The following SLC25A26 variants were observed in gnomAD, a reference collection of about 807,000 sequenced individuals.
The protein encoded by SLC25A26 is solute carrier family 25 member 26, also known as mitochondrial S-adenosylmethionine carrier protein.
SLC25A26 carries 36 observed loss-of-function variants against 37.8 expected under a neutral mutation model. The ratio of observed to expected loss-of-function variants is 0.95; its 90% CI spans 0.73 to 1.26. The LOEUF (loss-of-function observed/expected upper bound fraction) is 1.26, where lower values mean the gene tolerates loss of function less well. Among genes scored for constraint, SLC25A26 ranks in the 50% most tolerant of loss-of-function variants. The pLI is 0.00. For missense variants in SLC25A26, 390 were observed against 331.1 expected, an observed-to-expected ratio of 1.18 and a Z score of -1.38; for synonymous variants, 129 against 122.5, an observed-to-expected ratio of 1.05 and a Z score of -0.35.
intron 5 of SLC25A26, among the ~76,000 whole-genome samples, chr3:66,300,181 A>T (rs1038959636): frequency 2.0e-5 from 3 of 151,946 alleles, no homozygotes; most frequent in Non-Finnish European, 2.9e-5. Context: ...GAACCAAGCT[A>T]ATCAAATTTA....
intron 9 of SLC25A26, among the ~76,000 whole-genome samples, chr3:66,373,983 G>A (rs929193011): frequency 1.3e-5 from 2 of 152,042 alleles, no homozygotes; most frequent in African/African-American, 4.8e-5. Flanking sequence ...TTTCTCTCCA[G>A]GCCACCAGCT....
intron 1 of SLC25A26, among the ~76,000 whole-genome samples, chr3:66,214,852 G>T (rs1005729271): frequency 1.3e-5 from 2 of 152,106 alleles, no homozygotes; most frequent in African/African-American, 2.4e-5. Context: ...CCTTGGTCAG[G>T]CACGGTGGCT....
chr3:66,272,267 C>G (rs1180795517), intron 5 of SLC25A26, among the ~76,000 whole-genome samples: 1 of 152,032 alleles, frequency 6.6e-6, no homozygotes, highest in Non-Finnish European at 1.5e-5. Flanking sequence ...AGGGAGAGAT[C>G]AGAGGACTCC....
At chr3:66,300,214 A>C (rs139997290) in intron 5 of SLC25A26, among the ~76,000 whole-genome samples, 2 of 150,432 alleles carry the variant, frequency 1.3e-5, no homozygotes, top group East Asian at 3.9e-4. Context: ...ATCCCGTTAC[A>C]GTGAACTCCA....
intron 6 of SLC25A26, chr3:66,355,982 T>C (rs898825007): frequency 2.9e-5 from 13 of 455,200 alleles, no homozygotes; most frequent in East Asian, 6.9e-5. Flanking sequence ...CACATACTTA[T>C]TTTACTACAT....
intron 5 of SLC25A26, among the ~76,000 whole-genome samples, chr3:66,286,780 T>C (rs2074526355): frequency 6.6e-6 from 1 of 152,042 alleles, no homozygotes. Context: ...TGGATTCAAA[T>C]GCCACCTGAG....
chr3:66,302,263 C>A (rs1445366457), intron 5 of SLC25A26, among the ~76,000 whole-genome samples: 11 of 152,210 alleles, frequency 7.2e-5, no homozygotes, highest in Non-Finnish European at 4.4e-5. Flanking sequence ...AAATGTTGGA[C>A]TCAAGGTTTT....
chr3:66,343,097 A>G lies in SLC25A26; in HGVS notation c.454-3267A>G, dbSNP rs116237023. On this transcript the variant is annotated intron_variant, in intron 5 of 9. Transcript: ENST00000354883. ...TAAAATTCCACGTTTTGAAGAAACA[A>G]TCACTGTTATGTAACTTCAAGCCAG... 5.2e-3 allele frequency among the ~76,000 whole-genome samples: 786 copies of G among 152,328 alleles called. 12 individuals carry two copies. Among genetic ancestry groups the G allele is most frequent in the African/African-American group, 0.014 (578 of 41,574 alleles).
chr3:66,295,807 T>C (rs2074883175), intron 5 of SLC25A26, among the ~76,000 whole-genome samples: 1 of 151,666 alleles, frequency 6.6e-6, no homozygotes, highest in Admixed American at 6.6e-5. Context: ...CATGTGTGTG[T>C]TTTTAAAACT....
intron 1 of SLC25A26, among the ~76,000 whole-genome samples, chr3:66,152,815 T>C (rs1275251133): frequency 1.3e-5 from 2 of 152,218 alleles, no homozygotes; most frequent in Non-Finnish European, 2.9e-5. Context: ...TCCCATCTTG[T>C]GCCTTGGGTG....
chr3:66,205,273 G>T (rs1362097692), intron 1 of SLC25A26, among the ~76,000 whole-genome samples: 1 of 152,116 alleles, frequency 6.6e-6, no homozygotes. Context: ...TTCCTTTATG[G>T]AATGATTTTA....
intron 5 of SLC25A26, among the ~76,000 whole-genome samples, chr3:66,326,244 G>A (rs1396219614): frequency 6.6e-6 from 1 of 152,158 alleles, no homozygotes; most frequent in African/African-American, 2.4e-5. Flanking sequence ...GAGATAATGA[G>A]TATCTACCCA....
chr3:66,374,895 T>C (rs954638985), intron 9 of SLC25A26, among the ~76,000 whole-genome samples: 4 of 151,622 alleles, frequency 2.6e-5, no homozygotes, highest in African/African-American at 9.7e-5. Context: ...AAAAATTAAT[T>C]AATTAAAAAT....
chr3:66,154,231 G>A (rs1312861353), intron 1 of SLC25A26, among the ~76,000 whole-genome samples: 4 of 152,148 alleles, frequency 2.6e-5, no homozygotes, highest in Admixed American at 2.6e-4. Flanking sequence ...ATACAGCACT[G>A]CAGATAGACC....
chr3:66,352,546 A>C (rs1201409240), intron 6 of SLC25A26, among the ~76,000 whole-genome samples: 1 of 151,628 alleles, frequency 6.6e-6, no homozygotes, highest in Non-Finnish European at 1.5e-5. Context: ...ATGTGTGATA[A>C]TTTTTTTAAT....
intron 9 of SLC25A26, among the ~76,000 whole-genome samples, chr3:66,371,808 T>C (rs928390058): frequency 3.3e-5 from 5 of 152,030 alleles, no homozygotes; most frequent in Admixed American, 6.5e-5. Flanking sequence ...AGGTAAAAGG[T>C]GCTTAGGGGC....
intron 1 of SLC25A26, among the ~76,000 whole-genome samples, chr3:66,148,924 T>C (rs2070158945): frequency 6.6e-6 from 1 of 152,202 alleles, no homozygotes. Flanking sequence ...TTTGAATGCA[T>C]CTTAACAATC....
At chr3:66,219,351 A>G (rs1407053080), upstream of SLC25A26, among the ~76,000 whole-genome samples, 1 of 152,222 alleles carries the variant, frequency 6.6e-6, no homozygotes, top group East Asian at 1.9e-4. Context: ...CATTACCACC[A>G]TGATTATGTT....
intron 3 of SLC25A26, among the ~76,000 whole-genome samples, chr3:66,257,749 C>G (rs554382931): frequency 9.8e-5 from 15 of 152,290 alleles, no homozygotes; most frequent in African/African-American, 2.9e-4. Flanking sequence ...GCCCTCTTAA[C>G]TCTGAATCCA....
Sources: gnomAD v4.1 joint callset for allele counts (sites outside exome capture counted in the v4.1 genomes callset) on GRCh38, gnomAD v4.1.1 for gene constraint, MANE v1.5 for transcripts, NCBI Gene and HGNC (gene_info 2026-07-23, HGNC 2026-07-21) for gene names.